Variants in ZDHHC17 observed in about 807,000 individuals in gnomAD.
The protein encoded by ZDHHC17 is zDHHC palmitoyltransferase 17.
A neutral mutation model predicts 90.3 loss-of-function variants in ZDHHC17; 40 were observed. The observed-to-expected ratio is 0.44, with a 90% CI of 0.34 to 0.58. The LOEUF (loss-of-function observed/expected upper bound fraction) is 0.58, where lower values mean the gene tolerates loss of function less well. Among genes scored for constraint, ZDHHC17 ranks in the 20% least tolerant of loss-of-function variants. ZDHHC17 has a pLI of 0.01. For synonymous variants in ZDHHC17, 235 were observed against 252.4 expected, an observed-to-expected ratio of 0.93 and a Z score of 0.65; for missense variants, 614 against 780.8, an observed-to-expected ratio of 0.79 and a Z score of 2.55.
chr12:76,787,782 C>G (rs947706807), intron 1 of ZDHHC17, among the ~76,000 whole-genome samples: 1 of 152,146 alleles, frequency 6.6e-6, no homozygotes, highest in African/African-American at 2.4e-5. Context: ...AAACCATATA[C>G]TAGTTATAAC....
chr12:76,787,741 A>G (rs1219734816), intron 1 of ZDHHC17, among the ~76,000 whole-genome samples: 1 of 152,168 alleles, frequency 6.6e-6, no homozygotes, highest in African/African-American at 2.4e-5. Flanking sequence ...TTGTGGCTGG[A>G]TATAAGATAA....
chr12:76,825,601 A>C (rs1490695762), intron 8 of ZDHHC17, among the ~76,000 whole-genome samples: 1 of 152,090 alleles, frequency 6.6e-6, no homozygotes, highest in Non-Finnish European at 1.5e-5. Context: ...TTTAATTATT[A>C]CTCTAAGTTA....
At chr12:76,833,143 T>C (rs900244268) in intron 10 of ZDHHC17, among the ~76,000 whole-genome samples, 12 of 152,238 alleles carry the variant, frequency 7.9e-5, no homozygotes, top group African/African-American at 2.9e-4. Flanking sequence ...TGTTCCATTC[T>C]TTGAATAATT....
intron 10 of ZDHHC17, among the ~76,000 whole-genome samples, 165 bp from the exon 11 acceptor site, chr12:76,841,817 T>A (rs1164439773): frequency 6.6e-6 from 1 of 152,150 alleles, no homozygotes; most frequent in Non-Finnish European, 1.5e-5. Flanking sequence ...TGATTTAAAA[T>A]TTATAAAGAA....
At chr12:76,813,336 CA>C (rs1414347473) in intron 5 of ZDHHC17, 19 of 449,052 alleles carry the variant, frequency 4.2e-5, no homozygotes, top group Non-Finnish European at 7.6e-5. Context: ...AATGTACTTG[CA>C]TATTGGAAAT....
At chr12:76,801,882 T>C (rs1433505157) in intron 2 of ZDHHC17, among the ~76,000 whole-genome samples, 4 of 152,274 alleles carry the variant, frequency 2.6e-5, no homozygotes, top group African/African-American at 9.6e-5. Flanking sequence ...ATAGAAACAA[T>C]ATGTAGACAC....
Position 76,851,875 on chromosome 12 carries a change from A to C in ZDHHC17, c.*890A>C, listed in dbSNP as rs1443100269. On this transcript the variant is annotated 3_prime_UTR_variant, in exon 17 of 17. Transcript: ENST00000426126. ...AACAAATAATGCAAAATTCTCAGTA[A>C]TAGTGATACATGGATATACTTCCTT... 6.6e-6 allele frequency: 1 copy of C among 152,668 alleles called. No homozygotes were observed. The highest frequency in any genetic ancestry group is 1.9e-4 in the East Asian group (1 of 5,190). The allele number at this position is 152,668 out of a possible 1,614,324, so 9.5% of individuals were successfully genotyped here. A position where few individuals can be genotyped will look rare whatever the true frequency, so the allele number is the denominator to read the frequency against.
At position 76,764,187 on chromosome 12, in the gene ZDHHC17, C is replaced by G; in HGVS notation, c.-50C>G. The G allele has an allele frequency of 2.1e-6, 3 of 1,440,526 alleles. No homozygotes were observed. The highest frequency in any genetic ancestry group is 2.8e-6 in the Non-Finnish European group (3 of 1,075,934). The allele number at this position is 1,440,526 out of a possible 1,614,324, so 89.2% of individuals were successfully genotyped here. The stretch of plus-strand genomic sequence containing the variant: ...GCGGGGCTCGCGCTCGCCCCGCGCT[C>G]GCCCTCCGCCTCGCCCGAGCCCCGG... On this transcript the variant is annotated 5_prime_UTR_variant, in exon 1 of 17. Coordinates refer to ENST00000426126, the MANE Select transcript of ZDHHC17 (RefSeq NM_015336.4).
intron 1 of ZDHHC17, chr12:76,764,690 C>T (rs1182765227): frequency 2.0e-6 from 1 of 503,134 alleles, no homozygotes; most frequent in Non-Finnish European, 3.9e-6. Flanking sequence ...CCTCTTGGGG[C>T]CAGGTGGAAG....
chr12:76,828,393 CT>C lies in ZDHHC17; in HGVS notation c.1049del (p.Phe350SerfsTer23). ...TTATAAAACTTGTGTTTTACAGATC[CT>C]TTTTCGATCATTCAATGCATAGTGC... ...WATVQFLSKS[F>X]FDHSMHSALP... is the part of the protein sequence containing the mutation. On this transcript the variant is annotated frameshift_variant, in exon 10 of 17. Transcript: ENST00000426126. LOFTEE classifies it high-confidence loss of function. 1 of 1,590,760 alleles carries C rather than the reference CT, an allele frequency of 6.3e-7. No homozygotes were observed. The highest frequency in any genetic ancestry group is 8.5e-7 in the Non-Finnish European group (1 of 1,171,406).
At chr12:76,828,837 C>T (rs1409178980) in intron 10 of ZDHHC17, among the ~76,000 whole-genome samples, 2 of 151,910 alleles carry the variant, frequency 1.3e-5, no homozygotes, top group Non-Finnish European at 2.9e-5. Flanking sequence ...TCAGGGGTTA[C>T]ATGTGAAGGT....
At chr12:76,809,147 C>A in intron 4 of ZDHHC17, 27 bp downstream of exon 4, 1 of 1,479,100 alleles carries the variant, frequency 6.8e-7, no homozygotes, top group Non-Finnish European at 9.1e-7. Flanking sequence ...GGATTTTTTT[C>A]CTTTGGTTCC....
intron 1 of ZDHHC17, among the ~76,000 whole-genome samples, chr12:76,772,747 A>T (rs1259229459): frequency 7.0e-6 from 1 of 142,098 alleles, no homozygotes; most frequent in Admixed American, 7.2e-5. Context: ...GGGTTTCACT[A>T]TGTTACCCAG....
intron 10 of ZDHHC17, among the ~76,000 whole-genome samples, chr12:76,836,396 A>C (rs1953363408): frequency 2.6e-5 from 4 of 151,698 alleles, no homozygotes; most frequent in Admixed American, 2.6e-4. Flanking sequence ...AATGTGCTAC[A>C]TTCTCTCTTG....
chr12:76,827,706 GATGAGA>G (rs1411415970), intron 9 of ZDHHC17, among the ~76,000 whole-genome samples: 2 of 152,012 alleles, frequency 1.3e-5, no homozygotes, highest in Non-Finnish European at 2.9e-5. Context: ...TTCACACAGA[GATGAGA>G]ATGACTAGTA....
intron 2 of ZDHHC17, among the ~76,000 whole-genome samples, chr12:76,802,130 G>A (rs1952898758): frequency 6.6e-6 from 1 of 152,108 alleles, no homozygotes; most frequent in Non-Finnish European, 1.5e-5. Flanking sequence ...ATTCTTGCAG[G>A]GCAGGTCCAG....
chr12:76,806,461 G>A (rs2137757819), intron 3 of ZDHHC17, among the ~76,000 whole-genome samples: 1 of 152,108 alleles, frequency 6.6e-6, no homozygotes, highest in South Asian at 2.1e-4. Context: ...GTGATTCAAG[G>A]ACCAGAGGGT....
intron 2 of ZDHHC17, among the ~76,000 whole-genome samples, chr12:76,797,941 C>CCCCA (rs1379435547): frequency 2.0e-5 from 3 of 147,476 alleles, no homozygotes; most frequent in Non-Finnish European, 4.5e-5. Context: ...TGAAACTCTG[C>CCCCA]CACACACACA....
In ZDHHC17 at chr12:76,772,155, A is replaced by G. The variant is rs139275889; in HGVS notation, c.93+7826A>G. 3.9e-4 allele frequency among the ~76,000 whole-genome samples: 59 copies of G among 152,326 alleles called. No homozygotes were observed. The East Asian group carries it at 0.01, about 26-fold the overall frequency. On this transcript the variant is annotated intron_variant, in intron 1 of 16. Coordinates refer to ENST00000426126, the MANE Select transcript of ZDHHC17 (RefSeq NM_015336.4). Reference sequence around the variant, plus strand: ...CAAATGAGGAAACAGAGGTATAGAGAGGTTAAGTAGTAATCCAGGTTGCCT... The same window carrying G: ...CAAATGAGGAAACAGAGGTATAGAGGGGTTAAGTAGTAATCCAGGTTGCCT...
Sources: allele counts gnomAD v4.1 joint callset (sites outside exome capture counted in the v4.1 genomes callset), GRCh38; gene constraint gnomAD v4.1.1; transcripts MANE v1.5; gene names NCBI Gene and HGNC (gene_info 2026-07-23, HGNC 2026-07-21).